The following PIGN variants were observed in gnomAD, a reference collection of about 807,000 sequenced individuals.
The protein encoded by PIGN is GPI ethanolamine phosphate transferase 1.
PIGN carries 117 observed loss-of-function variants against 125.4 expected under a neutral mutation model. That is an observed-to-expected ratio of 0.93 (90% confidence interval 0.80 to 1.09). The LOEUF (loss-of-function observed/expected upper bound fraction) is 1.09. PIGN is among the 50% of genes least tolerant of loss of function. PIGN has a pLI of 0.00. For synonymous variants in PIGN, 392 were observed against 377.8 expected, an observed-to-expected ratio of 1.04 and a Z score of -0.44; for missense variants, 1,075 against 1,094.9, an observed-to-expected ratio of 0.98 and a Z score of 0.26.
chr18:62,067,224 C>A (rs1432089847), intron 30 of PIGN, among the ~76,000 whole-genome samples: 2 of 152,136 alleles, frequency 1.3e-5, no homozygotes, highest in East Asian at 3.8e-4. Flanking sequence ...TATGCATGCA[C>A]CCATTTGAAA....
chr18:62,045,012 AGTTATTTTAACTCCT>A lies in PIGN; in HGVS notation c.*829_*843del, dbSNP rs2030561060. 6.6e-6 allele frequency: 1 copy of A among 152,162 alleles called. No homozygotes were observed. Among genetic ancestry groups the A allele is most frequent in the Non-Finnish European group, 1.5e-5 (1 of 68,028 alleles). The allele number at this position is 152,162 out of a possible 1,614,324, so 9.4% of individuals were successfully genotyped here. A position where few individuals can be genotyped will look rare whatever the true frequency, so the allele number is the denominator to read the frequency against. ...TGATATTGTCAGAAAGTTTAACAGG[AGTTATTTTAACTCCT>A]GTTAAAATAATAGATGACAGTAAAA... On this transcript the variant is annotated 3_prime_UTR_variant, in exon 31 of 31. Coordinates refer to ENST00000640252, the MANE Select transcript of PIGN (RefSeq NM_176787.5).
chr18:62,136,216 G>T lies in PIGN; in HGVS notation c.1172+2027C>A, dbSNP rs534428780. 2.8e-4 allele frequency: 43 copies of T among 151,952 alleles called. No homozygotes were observed. The South Asian group carries it at 7.9e-3, about 28-fold the overall frequency. The allele number at this position is 151,952 out of a possible 1,614,324, so 9.4% of individuals were successfully genotyped here. A position where few individuals can be genotyped will look rare whatever the true frequency, so the allele number is the denominator to read the frequency against. On this transcript the variant is annotated intron_variant, in intron 14 of 30. Coordinates refer to ENST00000640252, the MANE Select transcript of PIGN (RefSeq NM_176787.5). ...ATAATATCCTAATGATATATTTAGG[G>T]TAATCAATTTTATATGATTATAACT... is the stretch of plus-strand genomic sequence containing the variant.
chr18:62,157,023 A>C (rs2036761450), intron 6 of PIGN, 106 bp downstream of exon 6: 1 of 537,426 alleles, frequency 1.9e-6, no homozygotes, highest in Non-Finnish European at 3.3e-6. Context: ...AAATGTAAAA[A>C]TATGTGTAAA....
intron 30 of PIGN, among the ~76,000 whole-genome samples, chr18:62,066,020 T>G (rs1372059159): frequency 1.4e-5 from 1 of 69,146 alleles, no homozygotes; most frequent in African/African-American, 4.0e-5. Flanking sequence ...CAAAAGCCCT[T>G]TTGGGTCTTA....
intron 1 of PIGN, among the ~76,000 whole-genome samples, chr18:62,174,643 G>A (rs1461468940): frequency 6.6e-6 from 1 of 151,920 alleles, no homozygotes; most frequent in Non-Finnish European, 1.5e-5. Context: ...TTTAACCATT[G>A]CATTATCCAA....
rs34182707 is a variant in PIGN, at chr18:62,073,170, G to GGTGTGTGTGT, written c.2620-455_2620-446dup. ...TAAATAATTCCATCAAATTATCAGGGGTGTGTGTGTGTGTGTGTGTGTGTG... is the reference window on the plus strand; with the variant it reads ...TAAATAATTCCATCAAATTATCAGGGGTGTGTGTGTGTGTGTGTGTGTGTGTGTGTGTGTG... On this transcript the variant is annotated intron_variant, in intron 29 of 30. Transcript: ENST00000640252. Among the ~76,000 whole-genome samples the GGTGTGTGTGT allele has an allele frequency of 8.2e-3, 1,195 of 145,434 alleles. 28 individuals carry two copies. The highest frequency in any genetic ancestry group is 0.049 in the East Asian group (237 of 4,850).
Position 62,021,815 on chromosome 18 carries a change from TG to T in PIGN, c.2143-4075del, listed in dbSNP as rs1484423054. On this transcript the variant is annotated intron_variant, in intron 23 of 24. Transcript: ENST00000639600. ...TTTGGGCATGGCAAGTGGGACTATT[TG>T]GGGTCTCACAAAGCTGAAATCAGGG... Among the ~76,000 whole-genome samples, 7 of 152,306 alleles carry T rather than the reference TG, an allele frequency of 4.6e-5. No homozygotes were observed. In the East Asian group the frequency reaches 1.3e-3, roughly 29 times the overall value.
chr18:62,091,009 A>G (rs1223638807), intron 23 of PIGN, among the ~76,000 whole-genome samples: 2 of 152,186 alleles, frequency 1.3e-5, no homozygotes, highest in East Asian at 3.8e-4. Context: ...TATTGATAAC[A>G]TATGGAAATG....
At chr18:62,140,145 T>G (rs922215522) in intron 12 of PIGN, among the ~76,000 whole-genome samples, 2 of 152,098 alleles carry the variant, frequency 1.3e-5, no homozygotes, top group African/African-American at 4.8e-5. Flanking sequence ...GTATTGCATA[T>G]TTAGAAATAA....
At chr18:62,017,738 G>A (rs1221414115) in exon 24 of PIGN, 1 of 151,218 alleles carries the variant, frequency 6.6e-6, no homozygotes, top group East Asian at 1.9e-4. Flanking sequence ...GCCCAGTGAA[G>A]TGCCTGGTGA....
At position 62,113,314 on chromosome 18, in the gene PIGN, G is replaced by T; in HGVS notation, c.1254C>A (p.Val418=). Residue 418 remains valine, a splice_region_variant and synonymous_variant, in exon 16 of 31, where the codon GTC becomes GTA. Coordinates refer to ENST00000640252, the MANE Select transcript of PIGN (RefSeq NM_176787.5). The part of the protein sequence containing the change: ...YIKHRKFDEV[V]SLCKELIHLA... ...GATGAATTAGCTCCTTGCAAAGGGA[G>T]ACCTATGGAGAAAAAACATATATAA... The T allele has an allele frequency of 6.3e-7, 1 of 1,585,874 alleles. No individual in the cohort carries two copies.
Position 62,071,863 on chromosome 18 carries a change from C to CATAT in PIGN, c.2672+806_2672+809dup, listed in dbSNP as rs61508545. Among the ~76,000 whole-genome samples, 322 of 77,564 alleles carry CATAT rather than the reference C, an allele frequency of 4.2e-3. 10 individuals are homozygous for CATAT. The highest frequency in any genetic ancestry group is 7.4e-3 in the East Asian group (18 of 2,422). 50.9% of individuals were successfully genotyped at this position (77,564 alleles called of 152,430 possible). A position where few individuals can be genotyped will look rare whatever the true frequency, so the allele number is the denominator to read the frequency against. The stretch of plus-strand genomic sequence containing the variant: ...CGTTTTTTAGACTGTACTCCTTTTC[C>CATAT]ATATATATATATATATATATATATA... On this transcript the variant is annotated intron_variant, in intron 30 of 30. Coordinates refer to ENST00000640252, the MANE Select transcript of PIGN (RefSeq NM_176787.5).
chr18:62,028,356 A>C (rs1021497584), intron 23 of PIGN, among the ~76,000 whole-genome samples: 1 of 152,230 alleles, frequency 6.6e-6, no homozygotes, highest in African/African-American at 2.4e-5. Context: ...CCTCCGAAAG[A>C]ATGAATCAAA....
At chr18:62,070,254 T>C (rs999187882) in intron 30 of PIGN, 3 of 395,278 alleles carry the variant, frequency 7.6e-6, no homozygotes, top group Non-Finnish European at 1.3e-5. Context: ...GCCCATGCTC[T>C]GGCCACTATC....
intron 23 of PIGN, among the ~76,000 whole-genome samples, chr18:62,025,573 A>G (rs1184054893): frequency 1.3e-5 from 2 of 152,206 alleles, no homozygotes; most frequent in African/African-American, 2.4e-5. Flanking sequence ...TAGCACTCCC[A>G]TATGTGTCTG....
chr18:62,154,348 T>C (rs1026852500), intron 7 of PIGN, 197 bp downstream of exon 7: 73 of 504,038 alleles, frequency 1.4e-4, no homozygotes, highest in Middle Eastern at 5.0e-4. Flanking sequence ...ATTTTACTAA[T>C]AGAAACAAAG....
intron 14 of PIGN, among the ~76,000 whole-genome samples, chr18:62,127,013 G>C (rs950192221): frequency 6.6e-6 from 1 of 152,100 alleles, no homozygotes; most frequent in East Asian, 1.9e-4. Flanking sequence ...TCTTAAAGCA[G>C]TATTTCTCAA....
At chr18:62,180,482 T>C (rs1232306210) in intron 1 of PIGN, among the ~76,000 whole-genome samples, 5 of 152,226 alleles carry the variant, frequency 3.3e-5, no homozygotes, top group Admixed American at 3.3e-4. Context: ...CGAAAGCTTC[T>C]ATATCTCTAA....
intron 1 of PIGN, among the ~76,000 whole-genome samples, chr18:62,165,170 G>A (rs1568249100): frequency 6.6e-6 from 1 of 152,158 alleles, no homozygotes; most frequent in African/African-American, 2.4e-5. Flanking sequence ...TCTCAGGAAT[G>A]GGTTGTTGTA....
Sources: gnomAD v4.1 joint callset for allele counts (sites outside exome capture counted in the v4.1 genomes callset) on GRCh38, gnomAD v4.1.1 for gene constraint, MANE v1.5 for transcripts, NCBI Gene and HGNC (gene_info 2026-07-23, HGNC 2026-07-21) for gene names.